Variants in OR52E4 observed in about 807,000 individuals in gnomAD.
OR52E4 encodes olfactory receptor 52E4.
For synonymous variants in OR52E4, 169 were observed against 137.4 expected (o/e 1.23, Z -1.61); for missense variants, 444 against 383.8 (o/e 1.16, Z -1.31).
chr11:5,883,189 C>T (rs1846987225), intron 1 of OR52E4, among the ~76,000 whole-genome samples: 1 of 151,978 alleles, frequency 6.6e-6, no homozygotes, highest in African/African-American at 2.4e-5. Context: ...TTGGCAGATA[C>T]ACACAAGGCA....
Position 5,884,988 on chromosome 11 carries a change from A to T in OR52E4, c.696A>T (p.Gln232His), listed in dbSNP as rs1847019954. 6.2e-7 allele frequency: 1 copy of T among 1,612,914 alleles called. No homozygotes were observed. Among genetic ancestry groups the T allele is most frequent in the South Asian group, 1.1e-5 (1 of 91,046 alleles). ...GAGCTGTTTTTCGCCTTCCCTCTCA[A>T]GATGTCCGACTAAAGGCCTTCAATA... The part of the protein sequence containing the change: ...ILRAVFRLPS[Q>H]DVRLKAFNTC... Residue 232 changes from glutamine (Q) to histidine (H), a missense_variant, in exon 2 of 2, where the codon CAA becomes CAT. Physicochemically the swap from Gln to His is conservative, Grantham distance 24. Coordinates refer to ENST00000641726, the MANE Select transcript of OR52E4 (RefSeq NM_001005165.2).
intron 1 of OR52E4, among the ~76,000 whole-genome samples, chr11:5,882,082 G>C (rs1205753365): frequency 6.6e-6 from 1 of 152,074 alleles, no homozygotes; most frequent in African/African-American, 2.4e-5. Context: ...GACTCCAGTA[G>C]GGATCTTTGT....
At chr11:5,881,605 T>C (rs577564014) in intron 1 of OR52E4, among the ~76,000 whole-genome samples, 1 of 152,232 alleles carries the variant, frequency 6.6e-6, no homozygotes, top group African/African-American at 2.4e-5. Context: ...TGTGACATAA[T>C]TTGGACTTTT....
Position 5,881,161 on chromosome 11 carries a change from A to G in OR52E4, c.-75+447A>G, listed in dbSNP as rs182241203. Among the ~76,000 whole-genome samples, 18 of 152,304 alleles carry G rather than the reference A, an allele frequency of 1.2e-4. No homozygotes were observed. The East Asian group carries it at 2.5e-3, about 21-fold the overall frequency. On this transcript the variant is annotated intron_variant, in intron 1 of 1. Coordinates refer to ENST00000641726, the MANE Select transcript of OR52E4 (RefSeq NM_001005165.2). ...CATGTCAATATTCAAATACAATTAC[A>G]TAGGCATTAACATATTTGGTCTGTA...
At chr11:5,883,349 A>G (rs1433698564) in intron 1 of OR52E4, among the ~76,000 whole-genome samples, 1 of 152,058 alleles carries the variant, frequency 6.6e-6, no homozygotes, top group African/African-American at 2.4e-5. Context: ...GAAAGTTCTA[A>G]CAGAGACTGA....
In OR52E4 at chr11:5,884,188, C is replaced by T; in HGVS notation, c.-74-31C>T. On this transcript the variant is annotated intron_variant, in intron 1 of 1. Coordinates refer to ENST00000641726, the MANE Select transcript of OR52E4 (RefSeq NM_001005165.2). ...TAACCACCTATACCATTACCTCTAG[C>T]ACACTGATAAGAGTCTTTCTGTTTC... The T allele has an allele frequency of 2.5e-6, 2 of 785,260 alleles. 1 individual carries two copies. The highest frequency in any genetic ancestry group is 3.4e-5 in the South Asian group (2 of 59,696). 48.6% of individuals were successfully genotyped at this position (785,260 alleles called of 1,614,324 possible).
intron 1 of OR52E4, among the ~76,000 whole-genome samples, chr11:5,882,116 C>T (rs10769303): frequency 0.82 from 124,444 of 152,048 alleles, 51,088 homozygotes; most frequent in African/African-American, 0.88. Context: ...TAGAGAAGAA[C>T]AAACTTAATA....
In OR52E4 at chr11:5,885,351, G is replaced by C. The variant is rs1359304630; in HGVS notation, c.*120G>C. 1.4e-6 allele frequency: 1 copy of C among 698,250 alleles called. No individual in the cohort carries two copies. Among genetic ancestry groups the C allele is most frequent in the African/African-American group, 1.8e-5 (1 of 55,472 alleles). The allele number at this position is 698,250 out of a possible 1,614,324, so 43.3% of individuals were successfully genotyped here. A position where few individuals can be genotyped will look rare whatever the true frequency, so the allele number is the denominator to read the frequency against. The stretch of plus-strand genomic sequence containing the variant: ...TTGTCAGATTTTTTCCTTTTGACTG[G>C]AAGTGCTTTAGTGTTGACAGATAAT... On this transcript the variant is annotated 3_prime_UTR_variant, in exon 2 of 2. Coordinates refer to ENST00000641726, the MANE Select transcript of OR52E4 (RefSeq NM_001005165.2).
intron 1 of OR52E4, among the ~76,000 whole-genome samples, chr11:5,882,885 G>T (rs1289110550): frequency 2.0e-5 from 3 of 152,020 alleles, no homozygotes; most frequent in Admixed American, 1.3e-4. Flanking sequence ...CTTAGTTGCA[G>T]CTATTCTCTT....
Position 5,884,990 on chromosome 11 carries a change from A to G in OR52E4, c.698A>G (p.Asp233Gly), listed in dbSNP as rs1470187484. 6.2e-7 allele frequency: 1 copy of G among 1,612,944 alleles called. No individual in the cohort carries two copies. The highest frequency in any genetic ancestry group is 1.1e-5 in the South Asian group (1 of 91,058). The part of the protein sequence containing the change: ...LRAVFRLPSQ[D>G]VRLKAFNTCG... The stretch of plus-strand genomic sequence containing the variant: ...GCTGTTTTTCGCCTTCCCTCTCAAG[A>G]TGTCCGACTAAAGGCCTTCAATACC... Residue 233 changes from aspartate to glycine, a missense_variant, in exon 2 of 2, where the codon GAT (aspartate) becomes GGT (glycine). Coordinates refer to ENST00000641726, the MANE Select transcript of OR52E4 (RefSeq NM_001005165.2).
chr11:5,884,810 A>T lies in OR52E4; in HGVS notation c.518A>T (p.His173Leu), dbSNP rs772152369. The T allele has an allele frequency of 6.2e-7, 1 of 1,613,552 alleles. No individual in the cohort carries two copies. Among genetic ancestry groups the T allele is most frequent in the Admixed American group, 1.7e-5 (1 of 59,896 alleles). The change falls in exon 2 of 2, where the codon CAT becomes CTT. Residue 173 changes from histidine to leucine, a missense_variant. Physicochemically the swap from His to Leu is moderately conservative, Grantham distance 99. Transcript: ENST00000641726. ...ATTCTGCGTCTGCCATTCTGTGGGC[A>T]TAACATCGTACCTCACACATACTGT... The part of the protein sequence containing the change: ...FLILRLPFCG[H>L]NIVPHTYCEH...
In OR52E4 at chr11:5,884,469, G is replaced by C. The variant is rs751942840; in HGVS notation, c.177G>C (p.Gln59His). Reference protein sequence around the residue: ...FVIKTEHSLHQPMFYFLAMLS... With the variant: ...FVIKTEHSLHHPMFYFLAMLS... The stretch of plus-strand genomic sequence containing the variant: ...TCAAAACTGAACATAGTCTACACCA[G>C]CCCATGTTCTACTTCCTGGCCATGT... Residue 59 changes from glutamine (Q) to histidine (H), a missense_variant, in exon 2 of 2, where the codon CAG becomes CAC. Transcript: ENST00000641726. 1.9e-6 allele frequency: 3 copies of C among 1,613,388 alleles called. No homozygotes were observed. The highest frequency in any genetic ancestry group is 2.5e-6 in the Non-Finnish European group (3 of 1,179,652).
In OR52E4 at chr11:5,884,369, A is replaced by G. The variant is rs1460477842; in HGVS notation, c.77A>G (p.His26Arg). ...GGAATACCAGGACTGGACACTTTAC[A>G]TATCTGGATTTCTTTCCCATTCTGT... The part of the protein sequence containing the change: ...LLGIPGLDTL[H>R]IWISFPFCIV... Residue 26 changes from histidine to arginine, a missense_variant, in exon 2 of 2, where the codon CAT (histidine) becomes CGT (arginine). By Grantham distance (29) the His-to-Arg change is conservative. Transcript: ENST00000641726. 6.2e-7 allele frequency: 1 copy of G among 1,613,250 alleles called. No individual in the cohort carries two copies. The highest frequency in any genetic ancestry group is 8.5e-7 in the Non-Finnish European group (1 of 1,179,454).
rs1268228368 is a variant in OR52E4 at position 5,886,087 on chromosome 11, G to C, written c.*856G>C. ...CGGACTCCAAGTTCCTCAGTTTTGG[G>C]ACTCAGAGTGGCTCTCCTTGATCTT... is the stretch of plus-strand genomic sequence containing the variant. On this transcript the variant is annotated 3_prime_UTR_variant, in exon 2 of 2. Transcript: ENST00000641726. 2 of 152,486 alleles carry C rather than the reference G, an allele frequency of 1.3e-5. No homozygotes were observed. Among genetic ancestry groups the C allele is most frequent in the African/African-American group, 4.8e-5 (2 of 41,354 alleles). 9.4% of individuals were successfully genotyped at this position (152,486 alleles called of 1,614,324 possible).
Position 5,885,015 on chromosome 11 carries a change from C to T in OR52E4, c.723C>T (p.Thr241=). The T allele has an allele frequency of 6.2e-7, 1 of 1,613,276 alleles. No homozygotes were observed. Among genetic ancestry groups the T allele is most frequent in the Non-Finnish European group, 8.5e-7 (1 of 1,179,544 alleles). The change falls in exon 2 of 2, where the codon ACC becomes ACT. Residue 241 remains threonine, a synonymous_variant. Coordinates refer to ENST00000641726, the MANE Select transcript of OR52E4 (RefSeq NM_001005165.2). ...ATGTCCGACTAAAGGCCTTCAATAC[C>T]TGTGGTTCTCATGTCTGTGTTATGC... is the stretch of plus-strand genomic sequence containing the variant. ...SQDVRLKAFN[T]CGSHVCVMLC... is the part of the protein sequence containing the mutation.
intron 1 of OR52E4, among the ~76,000 whole-genome samples, chr11:5,881,439 T>C (rs1846962364): frequency 6.6e-6 from 1 of 152,124 alleles, no homozygotes; most frequent in Non-Finnish European, 1.5e-5. Context: ...GCTGTAAGAA[T>C]AAGAGGAGAA....
At position 5,884,768 on chromosome 11, in the gene OR52E4, C is replaced by T. The variant is rs752415258; in HGVS notation, c.476C>T (p.Thr159Ile). The T allele has an allele frequency of 1.1e-5, 17 of 1,613,500 alleles. No homozygotes were observed. In the South Asian group the frequency reaches 1.8e-4, roughly 17 times the overall value. Reference protein sequence around the residue: ...VVVGRNLVLVTPFVFLILRLP... With the variant: ...VVVGRNLVLVIPFVFLILRLP... ...GTTGGAAGAAATTTAGTTCTTGTAA[C>T]CCCATTTGTGTTTCTCATTCTGCGT... Residue 159 changes from threonine (T) to isoleucine (I), a missense_variant, in exon 2 of 2, where the codon ACC (threonine) becomes ATC (isoleucine). Thr to Ile is a moderately conservative substitution (Grantham distance 89). Coordinates refer to ENST00000641726, the MANE Select transcript of OR52E4 (RefSeq NM_001005165.2).
chr11:5,884,053 C>T (rs1375467741), intron 1 of OR52E4, among the ~76,000 whole-genome samples, 166 bp from the exon 2 acceptor site: 1 of 152,052 alleles, frequency 6.6e-6, no homozygotes, highest in Non-Finnish European at 1.5e-5. Context: ...GATTACAAAA[C>T]ATAAAGCCAT....
At position 5,884,843 on chromosome 11, in the gene OR52E4, G is replaced by T. The variant is rs4757986; in HGVS notation, c.551G>T (p.Arg184Met). 0.79 allele frequency: 1,273,310 copies of T among 1,612,908 alleles called. 503,476 individuals carry two copies. The highest frequency in any genetic ancestry group is 0.82 in the African/African-American group (61,134 of 74,910). Residue 184 changes from arginine to methionine, a missense_variant, in exon 2 of 2, where the codon AGG becomes ATG. By Grantham distance (91) the Arg-to-Met change is moderately conservative. Transcript: ENST00000641726. ...NIVPHTYCEH[R>M]GLAGLACAPI... is the part of the protein sequence containing the mutation. Reference sequence around the variant, plus strand: ...GTACCTCACACATACTGTGAGCACAGGGGTCTGGCCGGGTTGGCCTGTGCA... The same window carrying T: ...GTACCTCACACATACTGTGAGCACATGGGTCTGGCCGGGTTGGCCTGTGCA...
Sources: allele counts gnomAD v4.1 joint callset (sites outside exome capture counted in the v4.1 genomes callset), GRCh38; gene constraint gnomAD v4.1.1; transcripts MANE v1.5; gene names NCBI Gene and HGNC (gene_info 2026-07-23, HGNC 2026-07-21).